Variants in CUX1 observed in about 807,000 individuals in gnomAD.
The protein encoded by CUX1 is protein CASP.
In CUX1, 31 loss-of-function variants were observed where a neutral mutation model predicts 158.8. The ratio of observed to expected loss-of-function variants is 0.20; its 90% CI spans 0.15 to 0.26. The LOEUF (loss-of-function observed/expected upper bound fraction) is 0.26, where lower values mean the gene tolerates loss of function less well. Among genes scored for constraint, CUX1 ranks in the 10% least tolerant of loss-of-function variants. The pLI is 1.00. For synonymous variants in CUX1, 879 were observed against 862.1 expected (o/e 1.02, Z -0.34); for missense variants, 1,589 against 2,014.6 (o/e 0.79, Z 4.04).
intron 3 of CUX1, among the ~76,000 whole-genome samples, chr7:102,054,740 G>A (rs1473684033): frequency 6.6e-6 from 1 of 152,138 alleles, no homozygotes; most frequent in East Asian, 1.9e-4. Context: ...GGCCAAGACG[G>A]GAGGATCACT....
chr7:101,889,364 C>G (rs1289494005), intron 1 of CUX1, among the ~76,000 whole-genome samples: 1 of 151,918 alleles, frequency 6.6e-6, no homozygotes, highest in African/African-American at 2.4e-5. Context: ...GGCTTTTTCC[C>G]TATTCCAGGT....
intron 2 of CUX1, among the ~76,000 whole-genome samples, chr7:102,020,881 GAAAAAAA>G (rs398067126): frequency 1.0e-4 from 13 of 130,588 alleles, no homozygotes; most frequent in East Asian, 6.9e-4. Context: ...ACTCGGTTTG[GAAAAAAA>G]AAAAAAAAAG....
intron 1 of CUX1, among the ~76,000 whole-genome samples, chr7:101,832,001 C>T (rs1794094982): frequency 6.6e-6 from 1 of 152,138 alleles, no homozygotes; most frequent in Non-Finnish European, 1.5e-5. Context: ...CCTGCCTTAG[C>T]CTCCGAAAGT....
chr7:101,820,896 T>G (rs1792396012), intron 1 of CUX1, among the ~76,000 whole-genome samples: 2 of 152,194 alleles, frequency 1.3e-5, no homozygotes, highest in African/African-American at 4.8e-5. Context: ...CACTTTTCAC[T>G]TATAGCCATT....
intron 9 of CUX1, among the ~76,000 whole-genome samples, chr7:102,166,941 G>C (rs1791107957): frequency 6.6e-6 from 1 of 152,138 alleles, no homozygotes; most frequent in South Asian, 2.1e-4. Context: ...CGTGAACTTG[G>C]AAACTGATTG....
At chr7:101,994,792 A>G (rs946065016) in intron 2 of CUX1, among the ~76,000 whole-genome samples, 2 of 152,144 alleles carry the variant, frequency 1.3e-5, no homozygotes, top group Middle Eastern at 3.4e-3. Flanking sequence ...TCACGTGTCT[A>G]GAAGAGAAAC....
chr7:102,241,644 C>T (rs1800223644), intron 23 of CUX1, among the ~76,000 whole-genome samples: 3 of 152,246 alleles, frequency 2.0e-5, no homozygotes, highest in Admixed American at 1.3e-4. Flanking sequence ...AGGTCAGAGT[C>T]CAAATCACAC....
At chr7:101,853,372 C>T (rs971929211) in intron 1 of CUX1, among the ~76,000 whole-genome samples, 11 of 152,176 alleles carry the variant, frequency 7.2e-5, no homozygotes, top group Admixed American at 7.2e-4. Flanking sequence ...GCAACATTAT[C>T]TGTGAGGTTG....
At chr7:101,834,092 C>A (rs1794358935) in intron 1 of CUX1, among the ~76,000 whole-genome samples, 1 of 151,112 alleles carries the variant, frequency 6.6e-6, no homozygotes, top group African/African-American at 2.4e-5. Flanking sequence ...GGGCGGTGCC[C>A]AGGGATGGCC....
intron 20 of CUX1, among the ~76,000 whole-genome samples, chr7:102,223,494 G>A (rs1161764650): frequency 4.6e-5 from 7 of 151,984 alleles, no homozygotes; most frequent in South Asian, 2.1e-4. Context: ...TCTGTGCAGC[G>A]GGGAGAGTTG....
chr7:101,817,566 C>T (rs1296050751), upstream of CUX1: 18 of 1,467,076 alleles, frequency 1.2e-5, no homozygotes, highest in Non-Finnish European at 1.6e-5. This position sits in a 1 kb window ranked among gnomAD's most constrained non-coding sequence, Gnocchi z 4.1. Context: ...GAGCGGCGCA[C>T]CCTTAGGGTC....
At chr7:101,927,765 T>C (rs1465617027) in intron 2 of CUX1, among the ~76,000 whole-genome samples, 2 of 152,272 alleles carry the variant, frequency 1.3e-5, no homozygotes. Context: ...TAGGTAATTC[T>C]TCGGTAATTA....
rs968146907 is a variant in CUX1 at position 102,107,433 on chromosome 7, G to A, written c.530+2974G>A. Among the ~76,000 whole-genome samples the A allele has an allele frequency of 2.6e-5, 4 of 152,102 alleles. 1 individual carries two copies. Among genetic ancestry groups the A allele is most frequent in the South Asian group, 4.1e-4 (2 of 4,822 alleles). On this transcript the variant is annotated intron_variant, in intron 6 of 23. Coordinates refer to ENST00000292535, the MANE Select transcript of CUX1 (RefSeq NM_181552.4). ...CACATGCCTGTAATCCCAGCTACTC[G>A]GGAGGCTGAGGCAGGAGAATTGCTT...
chr7:102,115,472 A>G (rs1452181086), intron 8 of CUX1, 199 bp downstream of exon 8: 4 of 494,828 alleles, frequency 8.1e-6, no homozygotes, highest in African/African-American at 2.0e-5. Context: ...TTCCTTCTTT[A>G]TTGTGAAGGC....
chr7:102,019,055 G>A (rs1819017571), intron 2 of CUX1, among the ~76,000 whole-genome samples: 1 of 152,096 alleles, frequency 6.6e-6, no homozygotes, highest in Admixed American at 6.6e-5. Context: ...CCTGAGCCGT[G>A]GCCACGTGCT....
rs895012610 is a variant in CUX1 at position 102,255,293 on chromosome 7, A to G, written c.*6251A>G. ...ATCTCGAGTTTTCATTTTTGGATGA[A>G]GTGACATTTAGCTTTAACAAGACAT... On this transcript the variant is annotated 3_prime_UTR_variant, in exon 24 of 24. Transcript: ENST00000292535. The G allele has an allele frequency of 3.0e-6, 3 of 984,912 alleles. No individual in the cohort carries two copies. Among genetic ancestry groups the G allele is most frequent in the Non-Finnish European group, 2.4e-6 (2 of 829,898 alleles). The allele number at this position is 984,912 out of a possible 1,614,324, so 61.0% of individuals were successfully genotyped here. A position where few individuals can be genotyped will look rare whatever the true frequency, so the allele number is the denominator to read the frequency against.
intron 8 of CUX1, among the ~76,000 whole-genome samples, chr7:102,132,166 G>A (rs410705): frequency 6.7e-6 from 1 of 149,804 alleles, no homozygotes; most frequent in Non-Finnish European, 1.5e-5. Context: ...GGATGGGCGG[G>A]TGGATAGATG....
At chr7:102,238,235 G>GGATACTCCCTTTCCCGA (rs797042910) in intron 22 of CUX1, among the ~76,000 whole-genome samples, 22 of 151,810 alleles carry the variant, frequency 1.4e-4, no homozygotes, top group African/African-American at 5.1e-4. Flanking sequence ...CCCTTTCCCG[G>GGATACTCCCTTTCCCGA]TCTGCTAAGT....
At chr7:102,071,576 G>A (rs1249254448) in intron 4 of CUX1, among the ~76,000 whole-genome samples, 2 of 151,818 alleles carry the variant, frequency 1.3e-5, no homozygotes, top group East Asian at 1.9e-4. Flanking sequence ...TTACAGTTGT[G>A]CCCTTGCCCT....
Sources: gnomAD v4.1 joint callset for allele counts (sites outside exome capture counted in the v4.1 genomes callset) on GRCh38, gnomAD v4.1.1 for gene constraint, Gnocchi (gnomAD v3.1) non-coding constraint, MANE v1.5 for transcripts, NCBI Gene and HGNC (gene_info 2026-07-23, HGNC 2026-07-21) for gene names.